Variants in CNTN1 observed in about 807,000 individuals in gnomAD.
The protein encoded by CNTN1 is contactin-1.
In CNTN1, 38 loss-of-function variants were observed where a neutral mutation model predicts 126.4. The ratio of observed to expected loss-of-function variants is 0.30; its 90% CI spans 0.23 to 0.39. CNTN1 has a LOEUF of 0.39. Among genes scored for constraint, CNTN1 ranks in the 10% least tolerant of loss-of-function variants. The pLI is 1.00. For synonymous variants in CNTN1, 413 were observed against 422.6 expected, an observed-to-expected ratio of 0.98 and a Z score of 0.28; for missense variants, 1,009 against 1,248.4, an observed-to-expected ratio of 0.81 and a Z score of 2.89.
chr12:40,699,888 T>C (rs1941552920), intron 1 of CNTN1, among the ~76,000 whole-genome samples: 1 of 152,182 alleles, frequency 6.6e-6, no homozygotes, highest in African/African-American at 2.4e-5. Context: ...AACATTTCAC[T>C]GAGAGATGAC....
intron 23 of CNTN1, among the ~76,000 whole-genome samples, chr12:41,043,321 C>T (rs1031323794): frequency 3.9e-5 from 6 of 152,114 alleles, no homozygotes; most frequent in African/African-American, 1.4e-4. Context: ...ACAAACAACC[C>T]CATCAAAAAG....
chr12:40,808,539 G>C (rs576727019), intron 1 of CNTN1, among the ~76,000 whole-genome samples: 7 of 151,722 alleles, frequency 4.6e-5, no homozygotes, highest in Non-Finnish European at 8.8e-5. Context: ...GTATAGGAAT[G>C]ATTTAGAGTA....
At chr12:40,751,052 G>C (rs1336184996) in intron 1 of CNTN1, among the ~76,000 whole-genome samples, 1 of 152,068 alleles carries the variant, frequency 6.6e-6, no homozygotes, top group Non-Finnish European at 1.5e-5. Context: ...AGAAAAGTAG[G>C]ATCAAACAGC....
At chr12:40,784,678 C>T (rs567279938) in intron 1 of CNTN1, among the ~76,000 whole-genome samples, 20 of 152,130 alleles carry the variant, frequency 1.3e-4, no homozygotes, top group Non-Finnish European at 2.1e-4. Flanking sequence ...AGAAAAGCTC[C>T]CCAGAGAGCA....
rs149203149 is a variant in CNTN1, at chr12:40,908,486, T to C, written c.54T>C (p.Cys18=). The stretch of plus-strand genomic sequence containing the variant: ...TTGTGATAATATCTATTACTACCTG[T>C]TTAGCAGGTAAGAAATATCCTTTGT... The part of the protein sequence containing the change: ...SHLVIISITT[C]LAEFTWYRRY... Residue 18 remains cysteine, a synonymous_variant, in exon 2 of 24, where the codon TGT becomes TGC. Transcript: ENST00000551295. 762 of 1,598,100 alleles carry C rather than the reference T, an allele frequency of 4.8e-4. 10 individuals carry two copies. The South Asian group carries it at 4.8e-3, about 10-fold the overall frequency.
chr12:40,723,461 G>A (rs1942271428), intron 1 of CNTN1, among the ~76,000 whole-genome samples: 1 of 152,304 alleles, frequency 6.6e-6, no homozygotes, highest in African/African-American at 2.4e-5. Context: ...AGAGAGTGGA[G>A]GAAACTGGAA....
chr12:41,022,588 GTGA>G (rs1013463455), intron 20 of CNTN1, among the ~76,000 whole-genome samples: 8 of 152,134 alleles, frequency 5.3e-5, no homozygotes, highest in South Asian at 2.1e-4. Flanking sequence ...CAAGATGGTG[GTGA>G]TGATGATGAT....
intron 1 of CNTN1, among the ~76,000 whole-genome samples, chr12:40,850,429 G>A (rs1217832960): frequency 6.6e-6 from 1 of 152,060 alleles, no homozygotes; most frequent in African/African-American, 2.4e-5. Flanking sequence ...GGGCTATCCA[G>A]AAGGAGTTTT....
intron 1 of CNTN1, among the ~76,000 whole-genome samples, chr12:40,810,049 A>G (rs1226118683): frequency 6.6e-6 from 1 of 152,160 alleles, no homozygotes; most frequent in Non-Finnish European, 1.5e-5. Flanking sequence ...TAATCATGGT[A>G]TGGTTATTTT....
intron 1 of CNTN1, among the ~76,000 whole-genome samples, chr12:40,815,166 G>C (rs996382474): frequency 2.0e-5 from 3 of 152,096 alleles, no homozygotes; most frequent in African/African-American, 7.2e-5. Flanking sequence ...ATTTAAAATA[G>C]TATTTTTCTA....
intron 1 of CNTN1, among the ~76,000 whole-genome samples, chr12:40,904,156 C>A (rs1263489725): frequency 2.6e-5 from 4 of 151,216 alleles, no homozygotes; most frequent in Admixed American, 2.0e-4. Flanking sequence ...GTAGCTGGGA[C>A]TACAGGCGCC....
At chr12:40,966,810 T>G (rs1369346785) in intron 15 of CNTN1, among the ~76,000 whole-genome samples, 2 of 152,206 alleles carry the variant, frequency 1.3e-5, no homozygotes, top group Non-Finnish European at 2.9e-5. Context: ...CACTTCATCT[T>G]ACAAATTCAA....
chr12:40,894,581 TTC>T (rs1944344075), intron 1 of CNTN1, among the ~76,000 whole-genome samples: 1 of 152,146 alleles, frequency 6.6e-6, no homozygotes, highest in Non-Finnish European at 1.5e-5. Context: ...GAAAAAATAT[TTC>T]TCTCATTTTA....
intron 6 of CNTN1, among the ~76,000 whole-genome samples, chr12:40,927,984 C>T (rs1945753776): frequency 6.6e-6 from 1 of 151,910 alleles, no homozygotes; most frequent in Admixed American, 6.6e-5. Context: ...GACTAACTGG[C>T]CTGATAAAAA....
intron 1 of CNTN1, among the ~76,000 whole-genome samples, chr12:40,900,671 A>G (rs1944571406): frequency 6.6e-6 from 1 of 152,236 alleles, no homozygotes; most frequent in Non-Finnish European, 1.5e-5. Flanking sequence ...GATTCAATCA[A>G]TGAACAAAAG....
At chr12:40,994,992 T>G (rs1948178421) in intron 17 of CNTN1, among the ~76,000 whole-genome samples, 1 of 152,096 alleles carries the variant, frequency 6.6e-6, no homozygotes, top group East Asian at 1.9e-4. Flanking sequence ...TTAGTGTCTC[T>G]GAGTTTATTG....
At chr12:40,871,381 C>G (rs1205789381) in intron 1 of CNTN1, among the ~76,000 whole-genome samples, 1 of 152,002 alleles carries the variant, frequency 6.6e-6, no homozygotes, top group East Asian at 1.9e-4. Flanking sequence ...ATGGCTTACC[C>G]TTTAAAAGAT....
chr12:40,747,763 CTG>C (rs1004782323), intron 1 of CNTN1, among the ~76,000 whole-genome samples: 1 of 152,046 alleles, frequency 6.6e-6, no homozygotes, highest in African/African-American at 2.4e-5. Context: ...ATGGACTTGA[CTG>C]TGATTTGATG....
intron 23 of CNTN1, chr12:41,061,901 CT>C: frequency 2.4e-6 from 1 of 415,520 alleles, no homozygotes; most frequent in Non-Finnish European, 4.8e-6. Flanking sequence ...CTTAAGCTGT[CT>C]TTTTTCTTCT....
Sources: allele counts gnomAD v4.1 joint callset (sites outside exome capture counted in the v4.1 genomes callset), GRCh38; gene constraint gnomAD v4.1.1; transcripts MANE v1.5; gene names NCBI Gene and HGNC (gene_info 2026-07-23, HGNC 2026-07-21).